The following FHIT variants were observed in gnomAD, a reference collection of about 807,000 sequenced individuals.
FHIT encodes bis(5'-adenosyl)-triphosphatase.
A neutral mutation model predicts 17.9 loss-of-function variants in FHIT; 19 were observed. The ratio of observed to expected loss-of-function variants is 1.06; its 90% CI spans 0.74 to 1.56. The LOEUF (loss-of-function observed/expected upper bound fraction) is 1.56. Among genes scored for constraint, FHIT ranks in the 40% most tolerant of loss-of-function variants. The probability of loss-of-function intolerance (pLI) is 0.00; values close to 1 mark genes in which losing one functional copy is unlikely to be tolerated. For missense variants in FHIT, 248 were observed against 189.2 expected, an observed-to-expected ratio of 1.31 and a Z score of -1.82; for synonymous variants, 81 against 69.7, an observed-to-expected ratio of 1.16 and a Z score of -0.81.
chr3:60,032,784 TGCAACACA>T (rs61194418), intron 5 of FHIT, among the ~76,000 whole-genome samples: 20,843 of 152,102 alleles, frequency 0.14, 1,502 homozygotes, highest in Non-Finnish European at 0.15. Context: ...GTTTACACTA[TGCAACACA>T]GCAGACACTA....
intron 5 of FHIT, among the ~76,000 whole-genome samples, chr3:60,163,483 T>C (rs1014911887): frequency 6.6e-6 from 1 of 152,042 alleles, no homozygotes; most frequent in South Asian, 2.1e-4. Flanking sequence ...CACAGAAGCC[T>C]CCTTCTGTTC....
chr3:60,357,787 G>C (rs896673376), intron 5 of FHIT, among the ~76,000 whole-genome samples: 5 of 149,428 alleles, frequency 3.3e-5, no homozygotes, highest in Non-Finnish European at 7.4e-5. Context: ...ATGTTCTACT[G>C]GTAATTTTCA....
At chr3:59,957,244 G>A (rs776092696) in intron 7 of FHIT, among the ~76,000 whole-genome samples, 4 of 152,216 alleles carry the variant, frequency 2.6e-5, no homozygotes, top group Admixed American at 6.5e-5. Flanking sequence ...TCTGTCTGGT[G>A]TATGTATAAG....
chr3:60,392,640 G>A (rs971744531), intron 5 of FHIT, among the ~76,000 whole-genome samples: 1 of 152,142 alleles, frequency 6.6e-6, no homozygotes, highest in Admixed American at 6.6e-5. Flanking sequence ...GCAGACAAGA[G>A]CTTTCTACTG....
chr3:60,691,565 A>G (rs187389765), intron 4 of FHIT, among the ~76,000 whole-genome samples: 1 of 152,046 alleles, frequency 6.6e-6, no homozygotes, highest in Admixed American at 6.5e-5. Context: ...TGACAGGTTT[A>G]CATGTTGCCC....
At chr3:60,036,093 A>G (rs1352664734) in intron 5 of FHIT, among the ~76,000 whole-genome samples, 3 of 152,236 alleles carry the variant, frequency 2.0e-5, no homozygotes, top group Non-Finnish European at 4.4e-5. Flanking sequence ...TGCTTAGTCC[A>G]AAGTGACACA....
chr3:60,514,740 A>C (rs908720165), intron 5 of FHIT, among the ~76,000 whole-genome samples: 1 of 152,160 alleles, frequency 6.6e-6, no homozygotes, highest in African/African-American at 2.4e-5. Context: ...TTTGCCTCCA[A>C]TGTCAGTAAG....
chr3:60,747,465 A>G lies in FHIT; in HGVS notation c.-18+74454T>C, dbSNP rs141586834. Among the ~76,000 whole-genome samples the G allele has an allele frequency of 4.4e-3, 669 of 152,322 alleles. 4 individuals carry two copies. The highest frequency in any genetic ancestry group is 0.01 in the Middle Eastern group (3 of 294). ...GCCCCTAGCACACCATGAAACACAAAATGCCCAATAAATTTTTGCTGAATA... is the reference window on the plus strand; with the variant it reads ...GCCCCTAGCACACCATGAAACACAAGATGCCCAATAAATTTTTGCTGAATA... On this transcript the variant is annotated intron_variant, in intron 4 of 9. Transcript: ENST00000492590.
intron 5 of FHIT, among the ~76,000 whole-genome samples, chr3:60,352,997 G>C (rs1320445660): frequency 6.6e-6 from 1 of 152,108 alleles, no homozygotes; most frequent in Non-Finnish European, 1.5e-5. Context: ...TGGCTCACTG[G>C]ATGGCATTCA....
At chr3:59,781,381 C>G (rs770931651) in intron 8 of FHIT, among the ~76,000 whole-genome samples, 12 of 152,200 alleles carry the variant, frequency 7.9e-5, no homozygotes, top group Non-Finnish European at 1.3e-4. Context: ...ACTTTCTTAG[C>G]TGTGCTACTC....
At chr3:59,937,386 ATG>A (rs1288805725) in intron 7 of FHIT, among the ~76,000 whole-genome samples, 1 of 152,194 alleles carries the variant, frequency 6.6e-6, no homozygotes, top group African/African-American at 2.4e-5. Context: ...CGGTGATGAA[ATG>A]TGTTAAAAGT....
At chr3:61,202,021 T>C (rs1376101391) in intron 1 of FHIT, among the ~76,000 whole-genome samples, 2 of 151,568 alleles carry the variant, frequency 1.3e-5, no homozygotes, top group Non-Finnish European at 2.9e-5. Context: ...CAAATATACA[T>C]ACACATGTGT....
intron 2 of FHIT, among the ~76,000 whole-genome samples, chr3:61,048,949 G>A (rs1270010940): frequency 6.6e-6 from 1 of 151,978 alleles, no homozygotes; most frequent in Non-Finnish European, 1.5e-5. Context: ...CACAAGGCAG[G>A]GGACATCACA....
At chr3:59,970,893 A>AACT (rs1708147983) in intron 7 of FHIT, among the ~76,000 whole-genome samples, 1 of 146,620 alleles carries the variant, frequency 6.8e-6, no homozygotes, top group African/African-American at 2.5e-5. Flanking sequence ...TTAACCGGTG[A>AACT]ACTAGTTGAC....
At chr3:59,877,950 A>G (rs1010985091) in intron 8 of FHIT, among the ~76,000 whole-genome samples, 3 of 152,230 alleles carry the variant, frequency 2.0e-5, no homozygotes, top group African/African-American at 4.8e-5. Context: ...AAGATTTAGT[A>G]GGATGGTCAA....
chr3:59,965,474 C>T (rs1707884003), intron 7 of FHIT, among the ~76,000 whole-genome samples: 1 of 152,262 alleles, frequency 6.6e-6, no homozygotes, highest in South Asian at 2.1e-4. Flanking sequence ...ACTTGAATTA[C>T]TTAGTTTCTT....
At chr3:61,100,531 A>T (rs796523253) in intron 2 of FHIT, among the ~76,000 whole-genome samples, 1 of 152,070 alleles carries the variant, frequency 6.6e-6, no homozygotes, top group African/African-American at 2.4e-5. Flanking sequence ...ACATGTGCAT[A>T]TGTCTTTATA....
intron 3 of FHIT, among the ~76,000 whole-genome samples, chr3:60,881,144 C>T (rs902435835): frequency 9.9e-5 from 15 of 152,106 alleles, no homozygotes; most frequent in Admixed American, 2.0e-4. Flanking sequence ...GCAGGAGTAG[C>T]TTTACTTGTA....
intron 7 of FHIT, among the ~76,000 whole-genome samples, chr3:59,929,033 A>G (rs1705819893): frequency 2.0e-5 from 3 of 150,792 alleles, no homozygotes. Flanking sequence ...ACAGATAATA[A>G]CAAATGCTGG....
Sources: allele counts gnomAD v4.1 joint callset (sites outside exome capture counted in the v4.1 genomes callset), GRCh38; gene constraint gnomAD v4.1.1; transcripts MANE v1.5; gene names NCBI Gene and HGNC (gene_info 2026-07-23, HGNC 2026-07-21).